Variants in SAMMSON observed in about 807,000 individuals in gnomAD.
SAMMSON encodes the protein survival associated mitochondrial melanoma specific oncogenic non-coding RNA.
At chr3:70,213,338 A>G (rs1701369021) in intron 4 of SAMMSON, among the ~76,000 whole-genome samples, 2 of 152,130 alleles carry the variant, frequency 1.3e-5, no homozygotes, top group Admixed American at 6.6e-5. Flanking sequence ...TAAACTCCAG[A>G]AGAGTATATG....
chr3:70,154,898 T>C (rs1029147067), intron 4 of SAMMSON, among the ~76,000 whole-genome samples: 4 of 151,892 alleles, frequency 2.6e-5, no homozygotes, highest in Non-Finnish European at 4.4e-5. Flanking sequence ...GAAAAATGCA[T>C]TGGGGAGGCA....
At chr3:70,291,182 C>G (rs901730083) in exon 7 of SAMMSON, 1 of 152,092 alleles carries the variant, frequency 6.6e-6, no homozygotes, top group African/African-American at 2.4e-5. Context: ...CATCCAGGGC[C>G]CTGGAGCCAG....
chr3:70,023,919 T>C (rs1374152271), intron 3 of SAMMSON, among the ~76,000 whole-genome samples: 1 of 152,214 alleles, frequency 6.6e-6, no homozygotes, highest in East Asian at 1.9e-4. Flanking sequence ...TCTGTTCATA[T>C]TGAGCTTTCC....
At chr3:70,254,300 A>C (rs959364718) in intron 6 of SAMMSON, among the ~76,000 whole-genome samples, 1 of 152,072 alleles carries the variant, frequency 6.6e-6, no homozygotes, top group Admixed American at 6.5e-5. Flanking sequence ...TTCTTTTTTC[A>C]AAAAATCTCA....
intron 4 of SAMMSON, among the ~76,000 whole-genome samples, chr3:70,129,281 G>C (rs927142615): frequency 1.3e-5 from 2 of 152,030 alleles, no homozygotes; most frequent in Admixed American, 1.3e-4. Context: ...TGTGTTCCAG[G>C]TTTTACTTTA....
At chr3:70,248,165 C>A (rs1162955790) in intron 4 of SAMMSON, among the ~76,000 whole-genome samples, 1 of 151,990 alleles carries the variant, frequency 6.6e-6, no homozygotes, top group Non-Finnish European at 1.5e-5. Flanking sequence ...GACTCACAGT[C>A]TAATAGGACA....
intron 6 of SAMMSON, among the ~76,000 whole-genome samples, chr3:70,260,941 G>A (rs961438489): frequency 3.3e-5 from 5 of 152,108 alleles, no homozygotes; most frequent in Admixed American, 6.6e-5. Flanking sequence ...TGAGTCCAGG[G>A]AAGATAAGTG....
chr3:70,232,640 C>T (rs1032035436), intron 4 of SAMMSON, among the ~76,000 whole-genome samples: 5 of 151,976 alleles, frequency 3.3e-5, no homozygotes, highest in African/African-American at 4.8e-5. Context: ...GCTCGTGATC[C>T]GCCCGCCTCA....
At chr3:70,193,900 C>T (rs1309569166) in intron 4 of SAMMSON, among the ~76,000 whole-genome samples, 1 of 151,998 alleles carries the variant, frequency 6.6e-6, no homozygotes, top group Non-Finnish European at 1.5e-5. Flanking sequence ...ATGATGTTTC[C>T]TATTTATAAA....
chr3:70,090,614 G>T (rs2067301448), intron 4 of SAMMSON, among the ~76,000 whole-genome samples: 1 of 151,844 alleles, frequency 6.6e-6, no homozygotes, highest in South Asian at 2.1e-4. Context: ...TAGTACTTTT[G>T]ATATTTCCAA....
intron 7 of SAMMSON, among the ~76,000 whole-genome samples, chr3:70,323,589 C>A (rs1347883404): frequency 6.6e-6 from 1 of 152,056 alleles, no homozygotes; most frequent in Non-Finnish European, 1.5e-5. Context: ...GAACTGTTTC[C>A]TAGAATTTCT....
intron 1 of SAMMSON, among the ~76,000 whole-genome samples, chr3:70,005,797 T>G (rs892361345): frequency 2.0e-4 from 30 of 152,214 alleles, no homozygotes; most frequent in African/African-American, 6.8e-4. Context: ...AAACTTGTTT[T>G]TATTTTAAAG....
At chr3:70,294,842 G>A (rs746929225) in intron 7 of SAMMSON, among the ~76,000 whole-genome samples, 5 of 152,018 alleles carry the variant, frequency 3.3e-5, no homozygotes, top group Non-Finnish European at 7.4e-5. Context: ...CAAGCATCAC[G>A]TAGCAATTTG....
At chr3:70,282,236 C>T (rs573939904) in intron 6 of SAMMSON, among the ~76,000 whole-genome samples, 18 of 152,272 alleles carry the variant, frequency 1.2e-4, no homozygotes, top group African/African-American at 4.3e-4. Context: ...GATTGGCTTT[C>T]TGTGCAGTGA....
At chr3:70,403,650 G>A (rs994549614) in intron 2 of SAMMSON, among the ~76,000 whole-genome samples, 1 of 152,152 alleles carries the variant, frequency 6.6e-6, no homozygotes, top group Non-Finnish European at 1.5e-5. Context: ...GATTGTGAGA[G>A]ACTCTCTAGG....
intron 2 of SAMMSON, among the ~76,000 whole-genome samples, chr3:70,405,609 C>T (rs1053195619): frequency 3.9e-5 from 6 of 152,044 alleles, no homozygotes; most frequent in African/African-American, 1.4e-4. Flanking sequence ...GAGAAGTAAT[C>T]GATAAGCTTG....
At chr3:70,232,243 G>A (rs1429509186) in intron 4 of SAMMSON, among the ~76,000 whole-genome samples, 3 of 152,040 alleles carry the variant, frequency 2.0e-5, no homozygotes, top group Admixed American at 2.0e-4. Flanking sequence ...CAACAGCTTT[G>A]GACACACCAA....
intron 7 of SAMMSON, among the ~76,000 whole-genome samples, chr3:70,293,975 A>G (rs567593697): frequency 6.6e-6 from 1 of 152,206 alleles, no homozygotes; most frequent in African/African-American, 2.4e-5. Flanking sequence ...CAGAAGCTCA[A>G]GCTATCACTC....
intron 3 of SAMMSON, among the ~76,000 whole-genome samples, chr3:70,041,018 G>A (rs1216780534): frequency 6.6e-6 from 1 of 152,036 alleles, no homozygotes; most frequent in Non-Finnish European, 1.5e-5. Flanking sequence ...CGTTACCAGG[G>A]GCATTTAATT....
Sources: gnomAD v4.1 joint callset for allele counts (sites outside exome capture counted in the v4.1 genomes callset) on GRCh38, gnomAD v4.1.1 for gene constraint, MANE v1.5 for transcripts, NCBI Gene and HGNC (gene_info 2026-07-23, HGNC 2026-07-21) for gene names.